The following BCL3 variants were observed in gnomAD, a reference collection of about 807,000 sequenced individuals.
BCL3 encodes the protein B-cell lymphoma 3 protein.
In BCL3, 15 loss-of-function variants were observed where a neutral mutation model predicts 35.7. The ratio of observed to expected loss-of-function variants is 0.42; its 90% CI spans 0.28 to 0.65. The LOEUF (loss-of-function observed/expected upper bound fraction) is 0.65. Among genes scored for constraint, BCL3 ranks in the 30% least tolerant of loss-of-function variants. The pLI is 0.22. For synonymous variants in BCL3, 311 were observed against 284.3 expected (o/e 1.09, Z -0.95); for missense variants, 565 against 641.7 (o/e 0.88, Z 1.29).
Position 44,759,484 on chromosome 19 carries a change from C to T in BCL3, c.1234C>T (p.Pro412Ser). 6.2e-7 allele frequency: 1 copy of T among 1,612,628 alleles called. No homozygotes were observed. Among genetic ancestry groups the T allele is most frequent in the African/African-American group, 1.3e-5 (1 of 74,894 alleles). The change falls in exon 9 of 9, where the codon CCT (proline) becomes TCT (serine). Residue 412 changes from proline (P) to serine (S), a missense_variant. This residue lies in a region of BCL3 where 151 missense variants were observed against 138.1 expected (regional missense o/e 1.09). Coordinates refer to ENST00000164227, the MANE Select transcript of BCL3 (RefSeq NM_005178.5). Reference protein sequence around the residue: ...SPSQSPPRDPPGFPMAPPNFF... With the variant: ...SPSQSPPRDPSGFPMAPPNFF... ...CTCCCAGTCTCCCCCCAGGGACCCCCCTGGATTCCCCATGGCTCCTCCCAA... is the reference window on the plus strand; with the variant it reads ...CTCCCAGTCTCCCCCCAGGGACCCCTCTGGATTCCCCATGGCTCCTCCCAA...
In BCL3 at chr19:44,758,230, C is replaced by A; in HGVS notation, c.892-16C>A. 2 of 1,469,428 alleles carry A rather than the reference C, an allele frequency of 1.4e-6. No individual in the cohort carries two copies. Among genetic ancestry groups the A allele is most frequent in the East Asian group, 2.5e-5 (1 of 40,278 alleles). 91.0% of individuals were successfully genotyped at this position (1,469,428 alleles called of 1,614,324 possible). On this transcript the variant is annotated splice_polypyrimidine_tract_variant and intron_variant, in intron 6 of 8. Coordinates refer to ENST00000164227, the MANE Select transcript of BCL3 (RefSeq NM_005178.5). ...TGGCCCGCGCGCCCTCCTGACCCGG[C>A]CCTCCCGTCCCGCAGCACGGCGCCA... is the stretch of plus-strand genomic sequence containing the variant.
upstream of BCL3, chr19:44,747,814 G>C (rs1275409869): frequency 1.8e-6 from 2 of 1,104,880 alleles, no homozygotes; most frequent in African/African-American, 3.3e-5. Flanking sequence ...CTGTCTCCAT[G>C]TCTCTTTCTC....
chr19:44,749,800 G>C (rs1157244144), intron 1 of BCL3, among the ~76,000 whole-genome samples: 1 of 152,152 alleles, frequency 6.6e-6, no homozygotes, highest in African/African-American at 2.4e-5. Context: ...AGGATCCTAA[G>C]ATTGGGTAAT....
chr19:44,757,086 A>G lies in BCL3; in HGVS notation c.589A>G (p.Ser197Gly), dbSNP rs1343801812. The G allele has an allele frequency of 6.2e-7, 1 of 1,609,962 alleles. No homozygotes were observed. Among genetic ancestry groups the G allele is most frequent in the Non-Finnish European group, 8.5e-7 (1 of 1,178,750 alleles). ...VVRLLVTAGA[S>G]PMALDRHGQT... ...CCGGCTCCTGGTGACAGCTGGTGCCAGCCCCATGGCGCTGGACCGCCATGG... is the reference window on the plus strand; with the variant it reads ...CCGGCTCCTGGTGACAGCTGGTGCCGGCCCCATGGCGCTGGACCGCCATGG... Residue 197 changes from serine (S) to glycine (G), a missense_variant, in exon 4 of 9, where the codon AGC (serine) becomes GGC (glycine). Transcript: ENST00000164227. The surrounding 1 kb of genome is among the most constrained non-coding windows in gnomAD (Gnocchi z 8.4).
chr19:44,756,402 G>T (rs1249235961), intron 3 of BCL3, 62 bp downstream of exon 3: 8 of 1,238,242 alleles, frequency 6.5e-6, no homozygotes, highest in Non-Finnish European at 8.5e-6. Context: ...CAGAGGAGGG[G>T]CTGGGGGCCT....
chr19:44,755,671 G>GGAGGCT (rs1967266153), intron 2 of BCL3, among the ~76,000 whole-genome samples: 1 of 152,134 alleles, frequency 6.6e-6, no homozygotes, highest in African/African-American at 2.4e-5. Flanking sequence ...CAGCACTTTG[G>GGAGGCT]GAGGCTGAGG....
chr19:44,748,203 A>G (rs1278751543), upstream of BCL3: 1 of 626,932 alleles, frequency 1.6e-6, no homozygotes, highest in Non-Finnish European at 2.4e-6. Context: ...AGCAGACAGC[A>G]ACTGAGAGGC....
Position 44,748,811 on chromosome 19 carries a change from G to T in BCL3, c.21G>T (p.Gly7=). The stretch of plus-strand genomic sequence containing the variant: ...GCCCCATGCCCCGATGCCCCGCGGG[G>T]GCCATGGACGAGGGGCCCGTGGACC... MPRCPA[G]AMDEGPVDLR... The change falls in exon 1 of 9, where the codon GGG becomes GGT. Residue 7 remains glycine, a synonymous_variant. Transcript: ENST00000164227. 9.0e-7 allele frequency: 1 copy of T among 1,108,618 alleles called. No individual in the cohort carries two copies. The highest frequency in any genetic ancestry group is 4.3e-5 in the South Asian group (1 of 23,292). 68.7% of individuals were successfully genotyped at this position (1,108,618 alleles called of 1,614,324 possible). A position where few individuals can be genotyped will look rare whatever the true frequency, so the allele number is the denominator to read the frequency against.
rs776692796 is a variant in BCL3, at chr19:44,757,767, A to AC, written c.891+48dup. On this transcript the variant is annotated intron_variant, in intron 6 of 8. Transcript: ENST00000164227. The surrounding 1 kb of genome is among the most constrained non-coding windows in gnomAD (Gnocchi z 8.4). ...AGCCTCGCGCCCACCCTATCCTCTG[A>AC]CCCCAACCCGGCTCTGGCCTCAGCC... is the stretch of plus-strand genomic sequence containing the variant. The AC allele has an allele frequency of 1.3e-6, 2 of 1,586,148 alleles. No homozygotes were observed. Among genetic ancestry groups the AC allele is most frequent in the Non-Finnish European group, 1.7e-6 (2 of 1,157,846 alleles).
In BCL3 at chr19:44,759,709, C is replaced by G. The variant is rs1377585000; in HGVS notation, c.*94C>G. ...GGAAACTGTGAAGATCTCACTCTGC[C>G]CCCCCCCCCCATCTTCGGGACCAGG... On this transcript the variant is annotated 3_prime_UTR_variant, in exon 9 of 9. Coordinates refer to ENST00000164227, the MANE Select transcript of BCL3 (RefSeq NM_005178.5). 21 of 371,988 alleles carry G rather than the reference C, an allele frequency of 5.6e-5. No individual in the cohort carries two copies. The highest frequency in any genetic ancestry group is 1.2e-4 in the East Asian group (2 of 16,170). The allele number at this position is 371,988 out of a possible 1,614,324, so 23.0% of individuals were successfully genotyped here. A position where few individuals can be genotyped will look rare whatever the true frequency, so the allele number is the denominator to read the frequency against.
rs1298420573 is a variant in BCL3 at position 44,756,335 on chromosome 19, C to T, written c.514C>T (p.Arg172Trp). Residue 172 changes from arginine to tryptophan, a missense_variant, in exon 3 of 9, where the codon CGG (arginine) becomes TGG (tryptophan). Physicochemically the swap from Arg to Trp is moderately radical, Grantham distance 101. Transcript: ENST00000164227. ...GGAGCTCGACATCTACAACAACCTACGGCAGGTGAGGCTCGGTCTGAGGGA... is the reference window on the plus strand; with the variant it reads ...GGAGCTCGACATCTACAACAACCTATGGCAGGTGAGGCTCGGTCTGAGGGA... ...GRELDIYNNLRQTPLHLAVIT... is the reference protein window; with the variant it reads ...GRELDIYNNLWQTPLHLAVIT... 16 of 1,500,922 alleles carry T rather than the reference C, an allele frequency of 1.1e-5. No homozygotes were observed. The highest frequency in any genetic ancestry group is 2.1e-5 in the Admixed American group (1 of 48,620). 93.0% of individuals were successfully genotyped at this position (1,500,922 alleles called of 1,614,324 possible).
At chr19:44,758,918 C>G in intron 8 of BCL3, 77 bp downstream of exon 8, 1 of 1,265,340 alleles carries the variant, frequency 7.9e-7, no homozygotes, top group Non-Finnish European at 1.1e-6. Context: ...AGCCCCTCCT[C>G]CCTCAGATCC....
In BCL3 at chr19:44,749,029, A is replaced by T; in HGVS notation, c.239A>T (p.Glu80Val). 7.4e-7 allele frequency: 1 copy of T among 1,358,542 alleles called. No individual in the cohort carries two copies. The highest frequency in any genetic ancestry group is 1.7e-5 in the South Asian group (1 of 59,454). 84.2% of individuals were successfully genotyped at this position (1,358,542 alleles called of 1,614,324 possible). A position where few individuals can be genotyped will look rare whatever the true frequency, so the allele number is the denominator to read the frequency against. ...PGPPHGLARP[E>V]ALYYPGALLP... ...CCCCCCCACGGCCTGGCCCGGCCGG[A>T]GGCGCTTTACTACCCCGGTGAGTGG... Residue 80 changes from glutamate to valine, a missense_variant, in exon 1 of 9, where the codon GAG (glutamate) becomes GTG (valine). Glu to Val is a moderately radical substitution (Grantham distance 121). Coordinates refer to ENST00000164227, the MANE Select transcript of BCL3 (RefSeq NM_005178.5).
Position 44,758,432 on chromosome 19 carries a change from G to A in BCL3, c.1059+19G>A, listed in dbSNP as rs991209952. 5 of 1,536,302 alleles carry A rather than the reference G, an allele frequency of 3.3e-6. No individual in the cohort carries two copies. The African/African-American group carries it at 5.5e-5, about 17-fold the overall frequency. On this transcript the variant is annotated intron_variant, in intron 7 of 8. Transcript: ENST00000164227. ...CCGCAGGGTGAGCCGGGGCAGCTGTGGACATGCCCCTTGCACACGTGTGTC... is the reference window on the plus strand; with the variant it reads ...CCGCAGGGTGAGCCGGGGCAGCTGTAGACATGCCCCTTGCACACGTGTGTC...
chr19:44,757,405 T>G lies in BCL3; in HGVS notation c.803T>G (p.Ile268Ser). ...VQLLLERGADIDAVDIKSGRS... is the reference protein window; with the variant it reads ...VQLLLERGADSDAVDIKSGRS... ...CTCTTGCTAGAGCGCGGTGCCGACA[T>G]CGACGCAGTGGTGAGCGTGCACTAG... is the stretch of plus-strand genomic sequence containing the variant. The change falls in exon 5 of 9, where the codon ATC becomes AGC. Residue 268 changes from isoleucine (I) to serine (S), a missense_variant. Ile to Ser is a moderately radical substitution (Grantham distance 142). Transcript: ENST00000164227. The surrounding 1 kb of genome is among the most constrained non-coding windows in gnomAD (Gnocchi z 8.4). 1.9e-6 allele frequency: 3 copies of G among 1,591,744 alleles called. No homozygotes were observed. The highest frequency in any genetic ancestry group is 2.6e-6 in the Non-Finnish European group (3 of 1,169,454).
Position 44,758,045 on chromosome 19 carries a change from C to G in BCL3, c.892-201C>G, listed in dbSNP as rs1395250838. ...TCCCCCGACTCCTTGGGGCGCGGGC[C>G]TCGGTGTCCAGCTCCGGTTAATTCA... On this transcript the variant is annotated intron_variant, in intron 6 of 8. Transcript: ENST00000164227. Among the ~76,000 whole-genome samples, 6 of 152,312 alleles carry G rather than the reference C, an allele frequency of 3.9e-5. No homozygotes were observed. The East Asian group carries it at 1.2e-3, about 29-fold the overall frequency.
intron 2 of BCL3, among the ~76,000 whole-genome samples, chr19:44,752,780 C>T (rs924755999): frequency 6.6e-6 from 1 of 152,200 alleles, no homozygotes; most frequent in African/African-American, 2.4e-5. Context: ...CCACGTTCTA[C>T]TCCCTCTGTG....
At chr19:44,756,932 G>A in intron 3 of BCL3, 85 bp from the exon 4 acceptor site, 1 of 1,277,678 alleles carries the variant, frequency 7.8e-7, no homozygotes, top group Non-Finnish European at 1.1e-6. Flanking sequence ...ACTGCAGGAT[G>A]AGGAATAAGG....
chr19:44,754,009 G>C (rs1250794792), intron 2 of BCL3, among the ~76,000 whole-genome samples: 1 of 152,158 alleles, frequency 6.6e-6, no homozygotes, highest in African/African-American at 2.4e-5. Flanking sequence ...AGAATTTCAC[G>C]ACAGCGGCAG....
Sources: allele counts gnomAD v4.1 joint callset (sites outside exome capture counted in the v4.1 genomes callset), GRCh38; gene constraint gnomAD v4.1.1; regional missense constraint gnomAD v4.1.1; non-coding constraint Gnocchi (gnomAD v3.1); transcripts MANE v1.5; gene names NCBI Gene and HGNC (gene_info 2026-07-23, HGNC 2026-07-21).